PDGFRL: variants seen among roughly 807,000 people sequenced by gnomAD.
The protein encoded by PDGFRL is platelet derived growth factor receptor like.
In PDGFRL, 46 loss-of-function variants were observed where a neutral mutation model predicts 37.2. That is an observed-to-expected ratio of 1.24 (90% CI 0.98 to 1.58). PDGFRL has a LOEUF of 1.58. Among genes scored for constraint, PDGFRL ranks in the 40% most tolerant of loss-of-function variants. PDGFRL has a pLI of 0.00. For missense variants in PDGFRL, 692 were observed against 467.6 expected, an observed-to-expected ratio of 1.48 and a Z score of -4.43; for synonymous variants, 251 against 184.3, an observed-to-expected ratio of 1.36 and a Z score of -2.93.
At chr8:17,635,009 G>C (rs1804942107) in intron 5 of PDGFRL, among the ~76,000 whole-genome samples, 1 of 152,024 alleles carries the variant, frequency 6.6e-6, no homozygotes, top group South Asian at 2.1e-4. Context: ...GGAGGAAAGG[G>C]AAATGAAGGA....
chr8:17,621,021 G>A, intron 2 of PDGFRL, 30 bp from the exon 3 acceptor site: 1 of 1,563,402 alleles, frequency 6.4e-7, no homozygotes, highest in Non-Finnish European at 8.7e-7. Flanking sequence ...GGTCTGACTT[G>A]CTTTGAGTTC....
At chr8:17,576,539 C>T, upstream of PDGFRL, 2 of 160,678 alleles carry the variant, frequency 1.2e-5, no homozygotes, top group Non-Finnish European at 2.7e-5. Flanking sequence ...ACTGGCTGCA[C>T]CTGCTGTTCT....
intron 5 of PDGFRL, among the ~76,000 whole-genome samples, chr8:17,634,781 A>C (rs1484151973): frequency 6.6e-6 from 1 of 152,224 alleles, no homozygotes; most frequent in Admixed American, 6.5e-5. Flanking sequence ...GACTACATGG[A>C]CATATAGAGG....
chr8:17,598,365 C>G (rs1270000741), intron 2 of PDGFRL, among the ~76,000 whole-genome samples: 1 of 152,132 alleles, frequency 6.6e-6, no homozygotes, highest in East Asian at 1.9e-4. Flanking sequence ...TCCTTCTTCC[C>G]TCCTGAAAGA....
At chr8:17,605,335 T>A (rs375171323) in intron 2 of PDGFRL, among the ~76,000 whole-genome samples, 1 of 152,316 alleles carries the variant, frequency 6.6e-6, no homozygotes, top group South Asian at 2.1e-4. Flanking sequence ...TTAGATGTGT[T>A]CTTGGACCTC....
In PDGFRL at chr8:17,577,241, G is replaced by C. The variant is rs1803604327; in HGVS notation, c.-12G>C. 3.1e-6 allele frequency: 5 copies of C among 1,611,486 alleles called. No homozygotes were observed. The highest frequency in any genetic ancestry group is 1.3e-5 in the African/African-American group (1 of 74,732). ...GCCGCGCTCCTGCGCTCCGAGGTCC[G>C]AGGTTCCCGAGATGAAGGTCTGGCT... On this transcript the variant is annotated 5_prime_UTR_variant, in exon 1 of 6. Coordinates refer to ENST00000251630, the MANE Select transcript of PDGFRL (RefSeq NM_001372073.1).
At position 17,634,092 on chromosome 8, in the gene PDGFRL, C is replaced by A; in HGVS notation, c.818C>A (p.Ser273Ter). The A allele has an allele frequency of 1.2e-6, 2 of 1,614,094 alleles. No homozygotes were observed. Among genetic ancestry groups the A allele is most frequent in the Non-Finnish European group, 1.7e-6 (2 of 1,179,922 alleles). Reference sequence around the variant, plus strand: ...CTTCCAGTTCCCAGTGGCCCTCCCTCAACAACCATCTTGGCTTCTTCAAAC... The same window carrying A: ...CTTCCAGTTCCCAGTGGCCCTCCCTAAACAACCATCTTGGCTTCTTCAAAC... ...LYVAVPSGPP[S>*]TTILASSNKV... The change falls in exon 5 of 6, where the codon TCA (serine) becomes TAA (stop). Residue 273 changes from serine (S) to a stop codon, truncating the protein, a stop_gained. Coordinates refer to ENST00000251630, the MANE Select transcript of PDGFRL (RefSeq NM_001372073.1). LOFTEE classifies it high-confidence loss of function.
Position 17,586,830 on chromosome 8 carries a change from C to G in PDGFRL, c.56-2638C>G, listed in dbSNP as rs542626464. ...AAACAGAAGAGGGCAAGTAGCTTCC[C>G]AAGGTCACACAGCCAGTAAGTGGCA... On this transcript the variant is annotated intron_variant, in intron 1 of 5. Coordinates refer to ENST00000251630, the MANE Select transcript of PDGFRL (RefSeq NM_001372073.1). Among the ~76,000 whole-genome samples, 46 of 152,264 alleles carry G rather than the reference C, an allele frequency of 3.0e-4. No homozygotes were observed. The South Asian group carries it at 8.9e-3, about 30-fold the overall frequency.
At chr8:17,619,182 G>A (rs142682979) in intron 2 of PDGFRL, among the ~76,000 whole-genome samples, 5 of 152,152 alleles carry the variant, frequency 3.3e-5, no homozygotes, top group Admixed American at 6.5e-5. Flanking sequence ...TCAGAAGAGC[G>A]AAGCATTTGG....
intron 2 of PDGFRL, among the ~76,000 whole-genome samples, chr8:17,617,734 C>G (rs112660123): frequency 6.6e-6 from 1 of 152,212 alleles, no homozygotes; most frequent in Non-Finnish European, 1.5e-5. Flanking sequence ...ACTAAAGATA[C>G]AGCATGCAGA....
At chr8:17,621,860 G>A (rs1804641832) in intron 3 of PDGFRL, among the ~76,000 whole-genome samples, 1 of 152,090 alleles carries the variant, frequency 6.6e-6, no homozygotes. Flanking sequence ...TTCGGTAGAA[G>A]TGAGGTCTCA....
intron 5 of PDGFRL, among the ~76,000 whole-genome samples, chr8:17,635,953 A>G (rs574683411): frequency 2.6e-5 from 4 of 152,142 alleles, no homozygotes; most frequent in South Asian, 2.1e-4. Flanking sequence ...CCTAAGCCCA[A>G]TTTTTGATGG....
rs137948136 is a variant in PDGFRL, at chr8:17,634,135, C to T, written c.861C>T (p.Asp287=). 655 of 1,612,944 alleles carry T rather than the reference C, an allele frequency of 4.1e-4. 12 individuals carry two copies. In the South Asian group the frequency reaches 5.8e-3, roughly 14 times the overall value. The part of the protein sequence containing the change: ...LASSNKVKSG[D]DISVLCTVLG... Reference sequence around the variant, plus strand: ...CTTCAAACAAAGTGAAAAGTGGGGACGACATCAGTGTGCTCTGCACTGTCC... The same window carrying T: ...CTTCAAACAAAGTGAAAAGTGGGGATGACATCAGTGTGCTCTGCACTGTCC... Residue 287 remains aspartate, a synonymous_variant, in exon 5 of 6, where the codon GAC becomes GAT. Coordinates refer to ENST00000251630, the MANE Select transcript of PDGFRL (RefSeq NM_001372073.1).
rs1447314503 is a variant in PDGFRL at position 17,634,863 on chromosome 8, G to C, written c.939+650G>C. On this transcript the variant is annotated intron_variant, in intron 5 of 5. Coordinates refer to ENST00000251630, the MANE Select transcript of PDGFRL (RefSeq NM_001372073.1). ...AGAAGATCGGGCAAAATAACTAATG[G>C]GTACTAGGCTGAATATTAATACCTG... Among the ~76,000 whole-genome samples the C allele has an allele frequency of 2.0e-5, 3 of 152,048 alleles. No homozygotes were observed. In the East Asian group the frequency reaches 5.8e-4, roughly 29 times the overall value.
chr8:17,589,429 C>G (rs1440830391), intron 1 of PDGFRL, 39 bp from the exon 2 acceptor site: 3 of 1,466,344 alleles, frequency 2.0e-6, no homozygotes, highest in East Asian at 4.6e-5. Context: ...CCAAAAATGT[C>G]ATTACTACAG....
chr8:17,621,002 C>G, intron 2 of PDGFRL, 49 bp from the exon 3 acceptor site: 1 of 1,484,030 alleles, frequency 6.7e-7, no homozygotes. Context: ...AGCTGGAGGG[C>G]CCCAGCCAGG....
rs117119004 is a variant in PDGFRL at position 17,619,271 on chromosome 8, C to A, written c.354-1780C>A. 7.2e-5 allele frequency among the ~76,000 whole-genome samples: 11 copies of A among 152,286 alleles called. No homozygotes were observed. In the East Asian group the frequency reaches 2.1e-3, roughly 29 times the overall value. On this transcript the variant is annotated intron_variant, in intron 2 of 5. Transcript: ENST00000251630. ...CTGAGGCTCTCAGCCTCAGGGGAAC[C>A]TCCAGTGTGAGGATGATAAATCTGA...
At chr8:17,607,473 GGATT>G (rs1804307282) in intron 2 of PDGFRL, among the ~76,000 whole-genome samples, 1 of 152,174 alleles carries the variant, frequency 6.6e-6, no homozygotes, top group African/African-American at 2.4e-5. Context: ...GGTAAGTCTA[GGATT>G]GATTATCCCA....
At chr8:17,605,738 G>A (rs1220564165) in intron 2 of PDGFRL, among the ~76,000 whole-genome samples, 1 of 152,210 alleles carries the variant, frequency 6.6e-6, no homozygotes, top group African/African-American at 2.4e-5. Context: ...CTGCTCCCTA[G>A]GAAATAAGAG....
Sources: gnomAD v4.1 joint callset for allele counts (sites outside exome capture counted in the v4.1 genomes callset) on GRCh38, gnomAD v4.1.1 for gene constraint, MANE v1.5 for transcripts, NCBI Gene and HGNC (gene_info 2026-07-23, HGNC 2026-07-21) for gene names.